STAG1: variants seen among roughly 807,000 people sequenced by gnomAD.
The protein encoded by STAG1 is STAG1 cohesin complex component, also known as cohesin subunit SA-1.
In STAG1, 26 loss-of-function variants were observed where a neutral mutation model predicts 170.9. The observed-to-expected ratio is 0.15, with a 90% CI of 0.11 to 0.21. The LOEUF is 0.21. Among genes scored for constraint, STAG1 ranks in the 10% least tolerant of loss-of-function variants. The pLI, the probability that STAG1 is intolerant of heterozygous loss-of-function variation, is 1.00. For synonymous variants in STAG1, 514 were observed against 497.7 expected, an observed-to-expected ratio of 1.03 and a Z score of -0.44; for missense variants, 964 against 1,509.5, an observed-to-expected ratio of 0.64 and a Z score of 5.99.
intron 3 of STAG1, among the ~76,000 whole-genome samples, chr3:136,612,305 T>C (rs1053544272): frequency 2.6e-5 from 4 of 152,070 alleles, no homozygotes; most frequent in African/African-American, 2.4e-5. Flanking sequence ...TTTAATAATA[T>C]GCATTTAAGA....
intron 21 of STAG1, among the ~76,000 whole-genome samples, chr3:136,405,823 G>GAAAAAAAAAAAAAAAAAAA (rs2087467623): frequency 5.1e-5 from 4 of 78,074 alleles, no homozygotes; most frequent in Admixed American, 1.3e-4. Flanking sequence ...AAAAAAAAAG[G>GAAAAAAAAAAAAAAAAAAA]AAAAATGTTA....
chr3:136,478,199 G>A (rs1432595124), intron 9 of STAG1, among the ~76,000 whole-genome samples: 3 of 152,144 alleles, frequency 2.0e-5, no homozygotes, highest in Non-Finnish European at 4.4e-5. Context: ...TTTAGGCTGA[G>A]ACGGAAGAAT....
rs370729576 is a variant in STAG1, at chr3:136,541,620, T to C, written c.471+499A>G. Among the ~76,000 whole-genome samples the C allele has an allele frequency of 1.1e-4, 17 of 148,318 alleles. No homozygotes were observed. The East Asian group carries it at 2.1e-3, about 19-fold the overall frequency. On this transcript the variant is annotated intron_variant, in intron 6 of 33. Transcript: ENST00000383202. ...GGGAGAATTTCCACGTAAAATAATTTTGGGAAATTCTGGGTTAAATGAAGG... is the reference window on the plus strand; with the variant it reads ...GGGAGAATTTCCACGTAAAATAATTCTGGGAAATTCTGGGTTAAATGAAGG...
intron 1 of STAG1, among the ~76,000 whole-genome samples, chr3:136,694,457 T>TA (rs564479365): frequency 2.0e-5 from 3 of 149,818 alleles, no homozygotes; most frequent in South Asian, 2.1e-4. Context: ...CTCAACAAAA[T>TA]AAAAAAAAAT....
At chr3:136,349,479 A>G (rs1936353594) in intron 28 of STAG1, 116 bp from the exon 29 acceptor site, 4 of 722,900 alleles carry the variant, frequency 5.5e-6, no homozygotes, top group South Asian at 3.5e-5. Context: ...AAGGACACAC[A>G]TTAAACTATT....
intron 5 of STAG1, among the ~76,000 whole-genome samples, chr3:136,562,103 T>C (rs926827280): frequency 5.9e-5 from 9 of 152,184 alleles, no homozygotes; most frequent in Middle Eastern, 3.2e-3. Flanking sequence ...GCATAAGATA[T>C]AACAATTGAT....
At chr3:136,399,077 CA>C (rs1380659872) in intron 21 of STAG1, among the ~76,000 whole-genome samples, 1 of 151,940 alleles carries the variant, frequency 6.6e-6, no homozygotes, top group Non-Finnish European at 1.5e-5. Flanking sequence ...TATGTTTAAA[CA>C]AAAATGTAGT....
At chr3:136,692,229 G>A (rs1000785697) in intron 1 of STAG1, among the ~76,000 whole-genome samples, 9 of 139,016 alleles carry the variant, frequency 6.5e-5, no homozygotes, top group South Asian at 2.2e-4. Context: ...CAGGAGAATC[G>A]CTTAAAATCA....
intron 1 of STAG1, among the ~76,000 whole-genome samples, chr3:136,636,568 T>C (rs1411190698): frequency 6.6e-6 from 1 of 152,176 alleles, no homozygotes; most frequent in African/African-American, 2.4e-5. Flanking sequence ...ACGTCAACCA[T>C]GGGTTCTTGG....
intron 5 of STAG1, among the ~76,000 whole-genome samples, chr3:136,556,577 T>G (rs75720265): frequency 0.027 from 4,117 of 152,170 alleles, 178 homozygotes; most frequent in African/African-American, 0.092. Flanking sequence ...TTCGTTTTTT[T>G]TTTGTTTGTT....
intron 9 of STAG1, among the ~76,000 whole-genome samples, chr3:136,485,397 C>A (rs996574504): frequency 3.9e-5 from 6 of 152,044 alleles, no homozygotes; most frequent in Non-Finnish European, 8.8e-5. Context: ...GCGGAGGTTG[C>A]AGTAAGCCGA....
intron 9 of STAG1, among the ~76,000 whole-genome samples, chr3:136,485,131 A>C (rs1431308054): frequency 6.6e-6 from 1 of 152,104 alleles, no homozygotes; most frequent in Non-Finnish European, 1.5e-5. Flanking sequence ...TTGTTTCATC[A>C]ATCTAGACAT....
intron 1 of STAG1, among the ~76,000 whole-genome samples, chr3:136,701,578 C>T (rs1228154162): frequency 2.0e-5 from 3 of 152,100 alleles, no homozygotes; most frequent in Admixed American, 6.6e-5. Flanking sequence ...ACTTAACAGC[C>T]GGTATGCCCC....
At chr3:136,415,806 A>T (rs2087755367) in intron 21 of STAG1, among the ~76,000 whole-genome samples, 2 of 151,996 alleles carry the variant, frequency 1.3e-5, no homozygotes, top group South Asian at 4.1e-4. Flanking sequence ...TGGGTGACAG[A>T]GCGAGACTCG....
At chr3:136,467,438 C>G (rs552399738) in intron 12 of STAG1, among the ~76,000 whole-genome samples, 13 of 152,248 alleles carry the variant, frequency 8.5e-5, no homozygotes, top group African/African-American at 2.6e-4. Context: ...GCAAAGGGAT[C>G]AAGTCAACAA....
At chr3:136,345,552 G>C (rs1310593908) in intron 29 of STAG1, among the ~76,000 whole-genome samples, 1 of 141,522 alleles carries the variant, frequency 7.1e-6, no homozygotes. Context: ...ATCTCCCAAA[G>C]TGCAGAAATT....
At chr3:136,468,445 A>G (rs1016060917) in intron 12 of STAG1, among the ~76,000 whole-genome samples, 4 of 152,212 alleles carry the variant, frequency 2.6e-5, no homozygotes, top group Non-Finnish European at 5.9e-5. Flanking sequence ...CACCCTCCCA[A>G]GACTAAACCA....
At chr3:136,655,567 A>T (rs1197924221) in intron 1 of STAG1, among the ~76,000 whole-genome samples, 1 of 152,226 alleles carries the variant, frequency 6.6e-6, no homozygotes, top group African/African-American at 2.4e-5. Flanking sequence ...GTTCCAGGCC[A>T]GCCTGGCCAA....
At chr3:136,681,337 A>T (rs1576757295) in intron 1 of STAG1, among the ~76,000 whole-genome samples, 1 of 152,346 alleles carries the variant, frequency 6.6e-6, no homozygotes, top group East Asian at 1.9e-4. Flanking sequence ...TTTATATTAG[A>T]ATTGAAAACT....
Sources: gnomAD v4.1 joint callset for allele counts (sites outside exome capture counted in the v4.1 genomes callset) on GRCh38, gnomAD v4.1.1 for gene constraint, MANE v1.5 for transcripts, NCBI Gene and HGNC (gene_info 2026-07-23, HGNC 2026-07-21) for gene names.